Variants in KCNH7 observed in about 807,000 individuals in gnomAD.
The protein encoded by KCNH7 is potassium voltage-gated channel subfamily H member 7.
In KCNH7, 49 loss-of-function variants were observed where a neutral mutation model predicts 120.8. That is an observed-to-expected ratio of 0.41 (90% CI 0.32 to 0.51). The LOEUF (loss-of-function observed/expected upper bound fraction) is 0.51. Ranked by LOEUF, KCNH7 falls within the 20% of genes least tolerant of loss-of-function variation. The probability of loss-of-function intolerance (pLI) is 0.38; values close to 1 mark genes in which losing one functional copy is unlikely to be tolerated. For synonymous variants in KCNH7, 547 were observed against 516.1 expected, an observed-to-expected ratio of 1.06 and a Z score of -0.81; for missense variants, 1,097 against 1,446.6, an observed-to-expected ratio of 0.76 and a Z score of 3.92.
At chr2:162,453,732 CAT>C (rs1460772447) in intron 6 of KCNH7, among the ~76,000 whole-genome samples, 4 of 152,062 alleles carry the variant, frequency 2.6e-5, no homozygotes, top group African/African-American at 9.7e-5. Flanking sequence ...AGCTTTTTTT[CAT>C]ATGTTTCTTG....
chr2:162,469,617 G>C (rs111362569), intron 6 of KCNH7, among the ~76,000 whole-genome samples: 19 of 152,106 alleles, frequency 1.2e-4, no homozygotes, highest in Non-Finnish European at 2.5e-4. Context: ...TGTGGTCCTC[G>C]AGCCTTTTTT....
intron 2 of KCNH7, among the ~76,000 whole-genome samples, chr2:162,719,540 A>T (rs922126244): frequency 3.1e-4 from 47 of 152,042 alleles, no homozygotes; most frequent in African/African-American, 1.1e-3. Context: ...TTAGTAATAA[A>T]GTTTTTGTCA....
At chr2:162,408,009 CA>C (rs1439813916) in intron 9 of KCNH7, among the ~76,000 whole-genome samples, 5 of 152,022 alleles carry the variant, frequency 3.3e-5, no homozygotes, top group Admixed American at 1.3e-4. Flanking sequence ...GGGGAATATA[CA>C]TTGGCAATCA....
chr2:162,571,885 A>T (rs981422508), intron 2 of KCNH7, among the ~76,000 whole-genome samples: 1 of 151,958 alleles, frequency 6.6e-6, no homozygotes, highest in Admixed American at 6.6e-5. Flanking sequence ...CACCTTATAC[A>T]AAAATCAATT....
chr2:162,636,535 C>T (rs1683968931), intron 2 of KCNH7, among the ~76,000 whole-genome samples: 1 of 152,058 alleles, frequency 6.6e-6, no homozygotes, highest in Non-Finnish European at 1.5e-5. Context: ...GTTGCCAGGC[C>T]TGGATGATTC....
At chr2:162,549,445 A>T (rs1439985818) in intron 2 of KCNH7, among the ~76,000 whole-genome samples, 1 of 152,240 alleles carries the variant, frequency 6.6e-6, no homozygotes, top group Non-Finnish European at 1.5e-5. Flanking sequence ...GAATGTGTCA[A>T]CATGTTACCT....
At chr2:162,443,361 T>G (rs1302172979) in intron 7 of KCNH7, among the ~76,000 whole-genome samples, 1 of 152,178 alleles carries the variant, frequency 6.6e-6, no homozygotes, top group Non-Finnish European at 1.5e-5. Context: ...AAACAGGAAT[T>G]TCTTCCCCAC....
chr2:162,690,510 C>T (rs1008842848), intron 2 of KCNH7, among the ~76,000 whole-genome samples: 6 of 152,070 alleles, frequency 3.9e-5, no homozygotes, highest in Non-Finnish European at 8.8e-5. Flanking sequence ...TAAATTATTT[C>T]TAGAAATTCT....
At chr2:162,527,469 T>C (rs1691749821) in intron 3 of KCNH7, among the ~76,000 whole-genome samples, 1 of 152,004 alleles carries the variant, frequency 6.6e-6, no homozygotes, top group African/African-American at 2.4e-5. Context: ...AATTTCTTTG[T>C]TCCTTAGCTT....
At chr2:162,523,013 C>A (rs1474182059) in intron 3 of KCNH7, among the ~76,000 whole-genome samples, 1 of 151,842 alleles carries the variant, frequency 6.6e-6, no homozygotes, top group Non-Finnish European at 1.5e-5. Context: ...GTCCCATCAT[C>A]TTTCTCTGTG....
At chr2:162,591,726 T>C (rs1245722693) in intron 2 of KCNH7, among the ~76,000 whole-genome samples, 1 of 152,146 alleles carries the variant, frequency 6.6e-6, no homozygotes, top group Non-Finnish European at 1.5e-5. Context: ...TATTTGTTAT[T>C]AAAATTAAAA....
At chr2:162,805,972 T>C (rs1185722447) in intron 2 of KCNH7, among the ~76,000 whole-genome samples, 5 of 152,152 alleles carry the variant, frequency 3.3e-5, no homozygotes, top group Non-Finnish European at 1.5e-5. Context: ...CTACGTGAAG[T>C]AACTCAGGAA....
chr2:162,507,136 C>T (rs1690907701), intron 5 of KCNH7, among the ~76,000 whole-genome samples: 1 of 151,634 alleles, frequency 6.6e-6, no homozygotes, highest in South Asian at 2.1e-4. Context: ...AATTGTTCAT[C>T]ATTTTGGAAG....
intron 2 of KCNH7, among the ~76,000 whole-genome samples, chr2:162,798,403 T>A (rs576567146): frequency 7.9e-5 from 12 of 152,110 alleles, no homozygotes; most frequent in Non-Finnish European, 1.6e-4. Context: ...GGTAGGATTC[T>A]TAGGAGATAC....
chr2:162,611,046 T>G (rs954051792), intron 2 of KCNH7, among the ~76,000 whole-genome samples: 2 of 152,062 alleles, frequency 1.3e-5, no homozygotes, highest in African/African-American at 4.8e-5. Flanking sequence ...TGAGAGTAAA[T>G]TTATAGGCAC....
At chr2:162,712,540 T>C (rs1343506379) in intron 2 of KCNH7, among the ~76,000 whole-genome samples, 2 of 152,166 alleles carry the variant, frequency 1.3e-5, no homozygotes, top group Non-Finnish European at 2.9e-5. Flanking sequence ...TGGCTTAAAA[T>C]AATGAGAGTT....
chr2:162,470,224 G>C (rs529395387), intron 6 of KCNH7, among the ~76,000 whole-genome samples: 48 of 151,598 alleles, frequency 3.2e-4, no homozygotes, highest in Non-Finnish European at 6.5e-4. Flanking sequence ...AAAGTGAGGA[G>C]CCTCTCTGCC....
chr2:162,780,794 T>C (rs1188821909), intron 2 of KCNH7, among the ~76,000 whole-genome samples: 9 of 152,132 alleles, frequency 5.9e-5, no homozygotes, highest in Non-Finnish European at 1.3e-4. Context: ...CAGTAGACAT[T>C]ATTTTGACTG....
intron 2 of KCNH7, among the ~76,000 whole-genome samples, chr2:162,828,066 A>C (rs953793488): frequency 6.6e-6 from 1 of 152,174 alleles, no homozygotes; most frequent in African/African-American, 2.4e-5. Flanking sequence ...TATTATTATT[A>C]AAGAAAACAG....
Sources: gnomAD v4.1 joint callset for allele counts (sites outside exome capture counted in the v4.1 genomes callset) on GRCh38, gnomAD v4.1.1 for gene constraint, MANE v1.5 for transcripts, NCBI Gene and HGNC (gene_info 2026-07-23, HGNC 2026-07-21) for gene names.